The following THSD7B variants were observed in gnomAD, a reference collection of about 807,000 sequenced individuals.
THSD7B encodes the protein thrombospondin type 1 domain containing 7B, also known as thrombospondin type-1 domain-containing protein 7B.
Under a neutral mutation model 213.6 loss-of-function variants are expected in THSD7B, and 138 were observed. The ratio of observed to expected loss-of-function variants is 0.65; its 90% CI spans 0.56 to 0.74. The LOEUF is 0.74. Ranked by LOEUF, THSD7B falls within the 30% of genes least tolerant of loss-of-function variation. The pLI is 0.00. For synonymous variants in THSD7B, 742 were observed against 687.0 expected, an observed-to-expected ratio of 1.08 and a Z score of -1.25; for missense variants, 1,931 against 1,991.5, an observed-to-expected ratio of 0.97 and a Z score of 0.58.
intron 1 of THSD7B, among the ~76,000 whole-genome samples, chr2:136,831,898 A>G (rs988921721): frequency 5.3e-5 from 8 of 152,056 alleles, no homozygotes; most frequent in African/African-American, 1.4e-4. Context: ...GGCCTTTTCT[A>G]TGTTGCTCAG....
At chr2:137,108,912 AT>A (rs1688300004) in intron 4 of THSD7B, among the ~76,000 whole-genome samples, 1 of 152,136 alleles carries the variant, frequency 6.6e-6, no homozygotes, top group Non-Finnish European at 1.5e-5. Flanking sequence ...AATATTTGTG[AT>A]TTTGTTCCCT....
chr2:136,879,492 G>A (rs992907159), intron 1 of THSD7B, among the ~76,000 whole-genome samples: 1 of 152,126 alleles, frequency 6.6e-6, no homozygotes, highest in Non-Finnish European at 1.5e-5. Context: ...CATTGAATCT[G>A]TAAATTGCCT....
chr2:137,511,524 G>T (rs779051976), intron 15 of THSD7B, among the ~76,000 whole-genome samples: 1 of 152,172 alleles, frequency 6.6e-6, no homozygotes, highest in Non-Finnish European at 1.5e-5. Flanking sequence ...AAAATCTGCT[G>T]CTCTGAAGGA....
chr2:137,444,569 A>G (rs1352238153), intron 14 of THSD7B, among the ~76,000 whole-genome samples: 5 of 152,016 alleles, frequency 3.3e-5, no homozygotes, highest in Admixed American at 1.3e-4. Flanking sequence ...CTGGATATCC[A>G]TGTGCAGAAG....
At chr2:137,404,430 G>GATATATAT (rs59001356) in intron 12 of THSD7B, among the ~76,000 whole-genome samples, 14 of 49,312 alleles carry the variant, frequency 2.8e-4, no homozygotes, top group African/African-American at 3.4e-4. Context: ...GAAACTCTGA[G>GATATATAT]ATATATATAT....
At chr2:137,140,173 A>G (rs964309540) in intron 5 of THSD7B, among the ~76,000 whole-genome samples, 2 of 152,080 alleles carry the variant, frequency 1.3e-5, no homozygotes, top group African/African-American at 4.8e-5. Context: ...ATATATACTG[A>G]TATCTAGATG....
intron 7 of THSD7B, among the ~76,000 whole-genome samples, chr2:137,189,254 T>A (rs1344560009): frequency 6.6e-6 from 1 of 152,184 alleles, no homozygotes; most frequent in African/African-American, 2.4e-5. Flanking sequence ...TCGTAAATTC[T>A]TGTCAGAAAA....
intron 2 of THSD7B, among the ~76,000 whole-genome samples, chr2:136,993,144 G>C (rs78367061): frequency 0.053 from 8,043 of 152,256 alleles, 295 homozygotes; most frequent in East Asian, 0.12. Flanking sequence ...TGTCAGTACT[G>C]GCCTTTGCAA....
At chr2:136,869,870 G>T (rs1174184933) in intron 1 of THSD7B, among the ~76,000 whole-genome samples, 1 of 152,168 alleles carries the variant, frequency 6.6e-6, no homozygotes, top group Non-Finnish European at 1.5e-5. Context: ...TCAGGAGTTT[G>T]AGCCTGGCAT....
At chr2:137,159,897 T>C (rs1030211656) in intron 5 of THSD7B, among the ~76,000 whole-genome samples, 1 of 152,188 alleles carries the variant, frequency 6.6e-6, no homozygotes, top group Non-Finnish European at 1.5e-5. Context: ...AGCCATTTAA[T>C]TTTTTAAAAA....
chr2:137,179,483 G>A (rs1359532073), intron 7 of THSD7B, among the ~76,000 whole-genome samples: 1 of 151,762 alleles, frequency 6.6e-6, no homozygotes, highest in Non-Finnish European at 1.5e-5. Context: ...TTATACTGGT[G>A]GTATGGCCAG....
intron 10 of THSD7B, among the ~76,000 whole-genome samples, chr2:137,262,359 CTT>C (rs1682471844): frequency 6.6e-6 from 1 of 151,722 alleles, no homozygotes; most frequent in Non-Finnish European, 1.5e-5. Flanking sequence ...GTATTTCAGT[CTT>C]AATGCTGACA....
At chr2:136,805,583 G>A (rs545037240) in intron 1 of THSD7B, among the ~76,000 whole-genome samples, 1 of 152,026 alleles carries the variant, frequency 6.6e-6, no homozygotes, top group African/African-American at 2.4e-5. Context: ...CATCCAGTTC[G>A]GTTCTCTCTC....
chr2:137,556,950 A>T (rs1314590996), intron 15 of THSD7B, among the ~76,000 whole-genome samples: 1 of 152,194 alleles, frequency 6.6e-6, no homozygotes, highest in Admixed American at 6.5e-5. Context: ...AAAGAAGGCC[A>T]TTACATAATG....
intron 15 of THSD7B, among the ~76,000 whole-genome samples, chr2:137,553,761 A>G (rs1345414342): frequency 6.6e-6 from 1 of 152,152 alleles, no homozygotes; most frequent in African/African-American, 2.4e-5. Context: ...GAACATTTTC[A>G]TATGATTCCC....
intron 1 of THSD7B, among the ~76,000 whole-genome samples, chr2:136,789,688 T>C (rs1681927409): frequency 1.3e-5 from 2 of 152,106 alleles, no homozygotes; most frequent in South Asian, 4.1e-4. Context: ...CAACTTGATA[T>C]GTGACATTTA....
intron 12 of THSD7B, among the ~76,000 whole-genome samples, chr2:137,346,390 C>A (rs1047864499): frequency 6.6e-6 from 1 of 151,398 alleles, no homozygotes; most frequent in Non-Finnish European, 1.5e-5. Flanking sequence ...CAGGTTCATT[C>A]GTGTTGTAAC....
chr2:137,318,959 G>A (rs1483960467), intron 12 of THSD7B, among the ~76,000 whole-genome samples: 1 of 151,406 alleles, frequency 6.6e-6, no homozygotes, highest in Non-Finnish European at 1.5e-5. Context: ...AGGAAGTTCT[G>A]AAGATTGAAT....
chr2:136,996,356 T>A (rs1242565827), intron 2 of THSD7B, among the ~76,000 whole-genome samples: 1 of 152,146 alleles, frequency 6.6e-6, no homozygotes. Context: ...CTTTTCTTTT[T>A]TTTCAGACAA....
Sources: allele counts gnomAD v4.1 joint callset (sites outside exome capture counted in the v4.1 genomes callset), GRCh38; gene constraint gnomAD v4.1.1; transcripts MANE v1.5; gene names NCBI Gene and HGNC (gene_info 2026-07-23, HGNC 2026-07-21).